CDH13: variants seen among roughly 807,000 people sequenced by gnomAD.
CDH13 encodes cadherin-13.
CDH13 carries 24 observed loss-of-function variants against 63.8 expected under a neutral mutation model. The ratio of observed to expected loss-of-function variants is 0.38; its 90% CI spans 0.27 to 0.53. CDH13 has a LOEUF of 0.53. Among genes scored for constraint, CDH13 ranks in the 20% least tolerant of loss-of-function variants. The pLI is 0.85. For missense variants in CDH13, 1,049 were observed against 903.1 expected, an observed-to-expected ratio of 1.16 and a Z score of -2.07; for synonymous variants, 503 against 355.3, an observed-to-expected ratio of 1.42 and a Z score of -4.67.
In CDH13 at chr16:83,774,375, C is replaced by CT. The variant is rs950852378; in HGVS notation, c.1682-5582dup. 9.0e-4 allele frequency among the ~76,000 whole-genome samples: 133 copies of CT among 147,766 alleles called. 2 individuals are homozygous for CT. Among genetic ancestry groups the CT allele is most frequent in the Middle Eastern group, 7.0e-3 (2 of 284 alleles). ...AGAATGACCTAGTCAAATGCCATTT[C>CT]TTTTTTTTTTTCTTTGAGACAGAGT... On this transcript the variant is annotated intron_variant, in intron 11 of 13. Transcript: ENST00000567109.
intron 2 of CDH13, among the ~76,000 whole-genome samples, chr16:82,906,218 G>C (rs989145960): frequency 1.2e-4 from 18 of 152,114 alleles, no homozygotes; most frequent in African/African-American, 4.3e-4. Context: ...CAGGCTTTCA[G>C]ATGTTCAGGA....
In CDH13 at chr16:82,644,092, A is replaced by G. The variant is rs1275898241; in HGVS notation, c.45+16955A>G. 2.0e-5 allele frequency among the ~76,000 whole-genome samples: 3 copies of G among 152,130 alleles called. No individual in the cohort carries two copies. The highest frequency in any genetic ancestry group is 7.2e-5 in the African/African-American group (3 of 41,430). On this transcript the variant is annotated intron_variant, in intron 1 of 13. Coordinates refer to ENST00000567109, the MANE Select transcript of CDH13 (RefSeq NM_001257.5). The surrounding 1 kb of genome is among the most constrained non-coding windows in gnomAD (Gnocchi z 5.7). ...GAGGTCGGGTGGGGAGAAAGAGGAG[A>G]GAAATCTAATTGATATGCTAATTGT...
chr16:83,372,495 T>C (rs2091386100), intron 6 of CDH13, among the ~76,000 whole-genome samples: 1 of 152,096 alleles, frequency 6.6e-6, no homozygotes, highest in Admixed American at 6.6e-5. Flanking sequence ...GGCTCATGCC[T>C]GTTATCCTAG....
intron 7 of CDH13, among the ~76,000 whole-genome samples, chr16:83,581,351 T>C (rs545136388): frequency 3.3e-5 from 5 of 152,364 alleles, no homozygotes; most frequent in African/African-American, 1.2e-4. Flanking sequence ...AGGGTGACTT[T>C]CAGTGGTTAT....
chr16:82,834,572 C>T (rs2038684664), intron 1 of CDH13, among the ~76,000 whole-genome samples: 1 of 152,144 alleles, frequency 6.6e-6, no homozygotes, highest in African/African-American at 2.4e-5. Flanking sequence ...GCCCACAGCC[C>T]ACAGCCACTG....
intron 10 of CDH13, among the ~76,000 whole-genome samples, chr16:83,682,457 T>C (rs71404104): frequency 0.1 from 15,523 of 152,050 alleles, 855 homozygotes; most frequent in Admixed American, 0.13. Context: ...ATGAGCAGAG[T>C]CAGTTTGAGG....
At chr16:83,115,295 G>A (rs2035240394) in intron 3 of CDH13, among the ~76,000 whole-genome samples, 1 of 152,188 alleles carries the variant, frequency 6.6e-6, no homozygotes, top group Admixed American at 6.5e-5. Flanking sequence ...GTCGTTGAAT[G>A]GATTAAGTGA....
At chr16:82,721,884 A>G (rs1276413755) in intron 1 of CDH13, among the ~76,000 whole-genome samples, 4 of 152,106 alleles carry the variant, frequency 2.6e-5, no homozygotes, top group African/African-American at 4.8e-5. Context: ...AATGCCAGTT[A>G]GACTACACTA....
chr16:83,364,932 G>A lies in CDH13; in HGVS notation c.781+19926G>A, dbSNP rs151217093. Among the ~76,000 whole-genome samples, 202 of 152,272 alleles carry A rather than the reference G, an allele frequency of 1.3e-3. 2 individuals are homozygous for A. Among genetic ancestry groups the A allele is most frequent in the African/African-American group, 4.3e-3 (178 of 41,554 alleles). ...AAGGGGTAGGTAAGCGGCAAAAGGA[G>A]GGAGAGAATTAGGACAAATACCTAA... On this transcript the variant is annotated intron_variant, in intron 6 of 13. Coordinates refer to ENST00000567109, the MANE Select transcript of CDH13 (RefSeq NM_001257.5).
intron 6 of CDH13, among the ~76,000 whole-genome samples, chr16:83,375,100 A>G (rs1017992644): frequency 1.3e-5 from 2 of 152,204 alleles, no homozygotes; most frequent in Admixed American, 6.5e-5. Context: ...TGTGCAAGTC[A>G]GAGCATTCGG....
intron 6 of CDH13, among the ~76,000 whole-genome samples, chr16:83,437,130 A>G (rs2072328871): frequency 6.6e-6 from 1 of 151,994 alleles, no homozygotes; most frequent in African/African-American, 2.4e-5. Flanking sequence ...TGATTCTGAC[A>G]TCAGCCTCCC....
At chr16:83,179,115 C>A (rs1046192507) in intron 4 of CDH13, among the ~76,000 whole-genome samples, 1 of 152,090 alleles carries the variant, frequency 6.6e-6, no homozygotes, top group African/African-American at 2.4e-5. Flanking sequence ...TGGTGGTGGC[C>A]TAGTAGGACT....
chr16:83,328,488 A>C (rs1006355565), intron 5 of CDH13, among the ~76,000 whole-genome samples: 5 of 152,212 alleles, frequency 3.3e-5, no homozygotes, highest in African/African-American at 1.2e-4. Context: ...TGGAAAGCAG[A>C]ATACTGAAAG....
intron 7 of CDH13, among the ~76,000 whole-genome samples, chr16:83,512,651 G>C (rs545938682): frequency 2.7e-5 from 4 of 148,180 alleles, no homozygotes; most frequent in African/African-American, 5.1e-5. Context: ...CTTGGCAACA[G>C]AGTGAGACTC....
chr16:83,013,033 C>T (rs1914318032), intron 2 of CDH13, among the ~76,000 whole-genome samples: 1 of 152,172 alleles, frequency 6.6e-6, no homozygotes, highest in South Asian at 2.1e-4. Context: ...AGTTTACTTG[C>T]CTGAGCACTT....
In CDH13 at chr16:82,819,614, C is replaced by A. The variant is rs554728556; in HGVS notation, c.46-38748C>A. Among the ~76,000 whole-genome samples, 39 of 152,282 alleles carry A rather than the reference C, an allele frequency of 2.6e-4. 1 individual carries two copies. In the South Asian group the frequency reaches 7.7e-3, roughly 30 times the overall value. ...ATGGGAGACAGAGGAAATTAAGACA[C>A]CTGCATGAAAGTTGACAGAGTTACC... On this transcript the variant is annotated intron_variant, in intron 1 of 13. Transcript: ENST00000567109.
At chr16:83,479,621 C>T (rs1598115214) in intron 6 of CDH13, among the ~76,000 whole-genome samples, 1 of 151,412 alleles carries the variant, frequency 6.6e-6, no homozygotes, top group Non-Finnish European at 1.5e-5. Context: ...TGCACCACTG[C>T]ACTCCAGCCT....
chr16:83,704,984 T>C (rs1906793723), intron 10 of CDH13, among the ~76,000 whole-genome samples: 1 of 152,240 alleles, frequency 6.6e-6, no homozygotes. Flanking sequence ...TAGATTTTTC[T>C]GGCAACATCC....
At chr16:82,935,266 TGA>T (rs1266628028) in intron 2 of CDH13, among the ~76,000 whole-genome samples, 2 of 152,106 alleles carry the variant, frequency 1.3e-5, no homozygotes, top group Non-Finnish European at 2.9e-5. Flanking sequence ...TTAGATCCCA[TGA>T]GAACTCACTC....
Sources: gnomAD v4.1 joint callset for allele counts (sites outside exome capture counted in the v4.1 genomes callset) on GRCh38, gnomAD v4.1.1 for gene constraint, Gnocchi (gnomAD v3.1) non-coding constraint, MANE v1.5 for transcripts, NCBI Gene and HGNC (gene_info 2026-07-23, HGNC 2026-07-21) for gene names.